The following RPH3A variants were observed in gnomAD, a reference collection of about 807,000 sequenced individuals.
The protein encoded by RPH3A is rabphilin-3A.
In RPH3A, 48 loss-of-function variants were observed where a neutral mutation model predicts 102.2. The observed-to-expected ratio is 0.47, with a 90% CI of 0.37 to 0.60. RPH3A has a LOEUF of 0.60. Among genes scored for constraint, RPH3A ranks in the 20% least tolerant of loss-of-function variants. RPH3A has a pLI of 0.00. For missense variants in RPH3A, 781 were observed against 910.1 expected (o/e 0.86, Z 1.83); for synonymous variants, 310 against 324.3 (o/e 0.96, Z 0.47).
chr12:112,593,789 G>C (rs2039496049), intron 1 of RPH3A, among the ~76,000 whole-genome samples: 1 of 152,138 alleles, frequency 6.6e-6, no homozygotes, highest in Non-Finnish European at 1.5e-5. Context: ...ATCTAAGAGT[G>C]GTTCTGCTAG....
At chr12:112,839,757 A>G (rs7301172) in intron 4 of RPH3A, among the ~76,000 whole-genome samples, 74,532 of 152,060 alleles carry the variant, frequency 0.49, 19,016 homozygotes, top group African/African-American at 0.62. Flanking sequence ...GGAGGCCGAG[A>G]TAGGCAGAGA....
At chr12:112,884,294 C>G (rs900958396) in intron 16 of RPH3A, among the ~76,000 whole-genome samples, 1 of 152,166 alleles carries the variant, frequency 6.6e-6, no homozygotes, top group Admixed American at 6.5e-5. Context: ...AGAAATAAAG[C>G]ACCCCCGATG....
chr12:112,762,506 C>T (rs562091761), intron 1 of RPH3A, among the ~76,000 whole-genome samples: 21 of 152,214 alleles, frequency 1.4e-4, no homozygotes, highest in Admixed American at 7.2e-4. Context: ...CTCTGCCTTC[C>T]CCCAATCTTA....
intron 1 of RPH3A, among the ~76,000 whole-genome samples, chr12:112,719,408 G>A (rs2040536830): frequency 6.6e-6 from 1 of 152,240 alleles, no homozygotes; most frequent in South Asian, 2.1e-4. Flanking sequence ...GAGAGGTGAG[G>A]GAGCTGGGAT....
At chr12:112,782,505 T>C (rs1199105229) in intron 1 of RPH3A, among the ~76,000 whole-genome samples, 6 of 152,166 alleles carry the variant, frequency 3.9e-5, no homozygotes. Context: ...TGGTATCCCT[T>C]TTCCGTCTTT....
chr12:112,861,006 C>T (rs1593094858), intron 5 of RPH3A, among the ~76,000 whole-genome samples: 1 of 151,910 alleles, frequency 6.6e-6, no homozygotes, highest in South Asian at 2.1e-4. Flanking sequence ...TTTTTAAAAC[C>T]CTGGAACCAA....
At chr12:112,781,365 G>C (rs1019230835) in intron 1 of RPH3A, among the ~76,000 whole-genome samples, 14 of 152,104 alleles carry the variant, frequency 9.2e-5, no homozygotes, top group Non-Finnish European at 1.8e-4. Context: ...TGGGTTTGTC[G>C]TCTGATTGAA....
intron 21 of RPH3A, among the ~76,000 whole-genome samples, chr12:112,896,323 C>A (rs1197659146): frequency 6.6e-6 from 1 of 152,106 alleles, no homozygotes; most frequent in East Asian, 1.9e-4. Context: ...GATGATGAAC[C>A]TTTTTGGAAA....
chr12:112,865,276 G>A, intron 5 of RPH3A, 138 bp from the exon 6 acceptor site: 1 of 1,015,098 alleles, frequency 9.9e-7, no homozygotes, highest in Non-Finnish European at 1.4e-6. Context: ...CCTTTTCTTG[G>A]GGAAGAGTTC....
chr12:112,872,421 T>C (rs1392538952), intron 10 of RPH3A, among the ~76,000 whole-genome samples: 1 of 152,218 alleles, frequency 6.6e-6, no homozygotes, highest in African/African-American at 2.4e-5. Flanking sequence ...TGTTGAGTCA[T>C]AGAAGTTCTT....
intron 1 of RPH3A, among the ~76,000 whole-genome samples, chr12:112,786,407 ATC>A (rs1184273702): frequency 1.3e-5 from 2 of 152,014 alleles, no homozygotes; most frequent in African/African-American, 4.8e-5. Context: ...TTGCACGCCA[ATC>A]TCTCTGTTTC....
At chr12:112,764,748 T>C (rs886349) in intron 1 of RPH3A, among the ~76,000 whole-genome samples, 117,249 of 151,894 alleles carry the variant, frequency 0.77, 46,109 homozygotes, top group African/African-American at 0.92. Context: ...ACCTTATGGC[T>C]CTGGCCCCTG....
intron 2 of RPH3A, among the ~76,000 whole-genome samples, chr12:112,813,082 T>G (rs1191066589): frequency 6.6e-6 from 1 of 152,230 alleles, no homozygotes; most frequent in Non-Finnish European, 1.5e-5. Flanking sequence ...CTTGTTTTTC[T>G]TAGAAGGAAA....
At chr12:112,686,745 G>T (rs1279620511) in intron 1 of RPH3A, among the ~76,000 whole-genome samples, 1 of 152,220 alleles carries the variant, frequency 6.6e-6, no homozygotes, top group Non-Finnish European at 1.5e-5. Context: ...ATTAATGGTG[G>T]TTGTTTTAAG....
intron 1 of RPH3A, among the ~76,000 whole-genome samples, chr12:112,698,811 C>G (rs2040370327): frequency 6.6e-6 from 1 of 152,006 alleles, no homozygotes; most frequent in African/African-American, 2.4e-5. Context: ...GTTTTCCCCT[C>G]CTTCTCCTTC....
At chr12:112,653,285 G>T (rs2039988893) in intron 1 of RPH3A, among the ~76,000 whole-genome samples, 1 of 150,700 alleles carries the variant, frequency 6.6e-6, no homozygotes, top group Admixed American at 6.7e-5. Context: ...CATGAGAATT[G>T]CTTGAACCCG....
intron 1 of RPH3A, among the ~76,000 whole-genome samples, chr12:112,620,118 C>T (rs1009943193): frequency 7.2e-5 from 11 of 152,200 alleles, no homozygotes. Context: ...TGATGATTGC[C>T]AGCAACTTCT....
chr12:112,578,708 T>C (rs1261962462), intron 1 of RPH3A, among the ~76,000 whole-genome samples: 2 of 152,224 alleles, frequency 1.3e-5, no homozygotes, highest in Non-Finnish European at 2.9e-5. Flanking sequence ...CTAGCCACTT[T>C]CTGACAGCTG....
At chr12:112,657,086 C>G (rs923248988) in intron 1 of RPH3A, among the ~76,000 whole-genome samples, 5 of 152,110 alleles carry the variant, frequency 3.3e-5, no homozygotes, top group African/African-American at 1.2e-4. Flanking sequence ...CTTTCCTCCA[C>G]ATCCTTGCCA....
Sources: allele counts gnomAD v4.1 joint callset (sites outside exome capture counted in the v4.1 genomes callset), GRCh38; gene constraint gnomAD v4.1.1; transcripts MANE v1.5; gene names NCBI Gene and HGNC (gene_info 2026-07-23, HGNC 2026-07-21).